The following RPS6KC1 variants were observed in gnomAD, a reference collection of about 807,000 sequenced individuals.
RPS6KC1 encodes ribosomal protein S6 kinase C1, also known as inactive ribosomal protein S6 kinase delta-1.
A neutral mutation model predicts 103.8 loss-of-function variants in RPS6KC1; 54 were observed. The ratio of observed to expected loss-of-function variants is 0.52; its 90% CI spans 0.42 to 0.65. The LOEUF is 0.65. RPS6KC1 is among the 30% of genes least tolerant of loss of function. RPS6KC1 has a pLI of 0.00. For missense variants in RPS6KC1, 1,151 were observed against 1,253.8 expected (o/e 0.92, Z 1.24); for synonymous variants, 439 against 438.7 (o/e 1.00, Z -0.01).
chr1:213,088,647 G>C lies in RPS6KC1; in HGVS notation c.262+10831G>C, dbSNP rs572999487. On this transcript the variant is annotated intron_variant, in intron 3 of 14. Coordinates refer to ENST00000366960, the MANE Select transcript of RPS6KC1 (RefSeq NM_012424.6). ...TGCTGTGCTGGTATTACAGGCATGA[G>C]CCACTGCGCCTGGCCTCATGGCTAA... Among the ~76,000 whole-genome samples the C allele has an allele frequency of 2.6e-5, 4 of 152,240 alleles. No homozygotes were observed. In the South Asian group the frequency reaches 8.3e-4, roughly 32 times the overall value.
chr1:213,292,521 C>G, the RPS6KC1 span, among the ~76,000 whole-genome samples: 1 of 152,100 alleles, frequency 6.6e-6, no homozygotes, highest in Non-Finnish European at 1.5e-5. Flanking sequence ...CTTGAGAAAC[C>G]CTTTCCTGTG....
At chr1:213,256,267 G>A (rs976729839) in intron 12 of RPS6KC1, among the ~76,000 whole-genome samples, 11 of 152,148 alleles carry the variant, frequency 7.2e-5, no homozygotes, top group East Asian at 1.9e-4. Flanking sequence ...CAGGCTGTCC[G>A]TGGAAGAGAG....
At chr1:213,536,610 A>G in the RPS6KC1 span, among the ~76,000 whole-genome samples, 7 of 152,170 alleles carry the variant, frequency 4.6e-5, no homozygotes, top group Non-Finnish European at 1.5e-5. Context: ...CTACCTTGAT[A>G]AAAGGTGAGC....
In RPS6KC1 at chr1:213,211,005, C is replaced by T. The variant is rs562559301; in HGVS notation, c.1045-19492C>T. ...ACTTATTTTAAGTGTATTTATAGAG[C>T]ACATCTAGCAGCGGACAGAAAATAT... On this transcript the variant is annotated intron_variant, in intron 8 of 14. Coordinates refer to ENST00000366960, the MANE Select transcript of RPS6KC1 (RefSeq NM_012424.6). 3.3e-5 allele frequency among the ~76,000 whole-genome samples: 5 copies of T among 152,292 alleles called. 1 individual carries two copies. The South Asian group carries it at 1.0e-3, about 32-fold the overall frequency.
the RPS6KC1 span, among the ~76,000 whole-genome samples, chr1:213,802,687 A>G: frequency 3.9e-5 from 6 of 152,248 alleles, no homozygotes; most frequent in Non-Finnish European, 1.5e-5. Context: ...TTTTCCTCAG[A>G]AGATCCTAAG....
rs1012030107 is a variant in RPS6KC1 at position 213,273,065 on chromosome 1, A to G, written c.*431A>G. On this transcript the variant is annotated 3_prime_UTR_variant, in exon 15 of 15. Transcript: ENST00000366960. ...ATTAAATTAATATTTGCTTAATAAT[A>G]CACTAAAAGTATATGAACAATGTCA... 12 of 158,638 alleles carry G rather than the reference A, an allele frequency of 7.6e-5. No homozygotes were observed. The highest frequency in any genetic ancestry group is 1.4e-4 in the Non-Finnish European group (10 of 71,210). 9.8% of individuals were successfully genotyped at this position (158,638 alleles called of 1,614,324 possible).
the RPS6KC1 span, among the ~76,000 whole-genome samples, chr1:213,410,044 A>G: frequency 6.6e-6 from 1 of 152,176 alleles, no homozygotes; most frequent in Non-Finnish European, 1.5e-5. Context: ...AGTCTTAGCT[A>G]CTTGGGAAGC....
At chr1:213,806,236 G>A in the RPS6KC1 span, among the ~76,000 whole-genome samples, 1 of 152,170 alleles carries the variant, frequency 6.6e-6, no homozygotes, top group Non-Finnish European at 1.5e-5. Context: ...GGAGGCTGAG[G>A]CAGGAGAATG....
the RPS6KC1 span, among the ~76,000 whole-genome samples, chr1:213,711,149 C>G: frequency 1.3e-5 from 2 of 152,196 alleles, no homozygotes; most frequent in Non-Finnish European, 2.9e-5. Flanking sequence ...GTTTCAGATA[C>G]AGCAATCAAA....
At chr1:213,746,428 G>A in the RPS6KC1 span, among the ~76,000 whole-genome samples, 4 of 152,200 alleles carry the variant, frequency 2.6e-5, no homozygotes, top group South Asian at 6.2e-4. Context: ...GGAGGCCAGT[G>A]TGACTAAATC....
intron 12 of RPS6KC1, among the ~76,000 whole-genome samples, chr1:213,245,344 A>G (rs9430119): frequency 0.98 from 149,155 of 152,278 alleles, 73,124 homozygotes; most frequent in East Asian, 1. Flanking sequence ...GGAACACTAA[A>G]GGTTGAAGTA....
At chr1:213,667,779 A>T in the RPS6KC1 span, among the ~76,000 whole-genome samples, 1 of 152,220 alleles carries the variant, frequency 6.6e-6, no homozygotes, top group Non-Finnish European at 1.5e-5. Context: ...TGTATTGCCT[A>T]TAATAAGTTT....
the RPS6KC1 span, among the ~76,000 whole-genome samples, chr1:213,521,229 A>G: frequency 1.3e-5 from 2 of 152,202 alleles, no homozygotes. Context: ...ACCACAATAA[A>G]GCAAGTCACA....
rs775009573 is a variant in RPS6KC1, at chr1:213,051,514, G to T, written c.105+5G>T. On this transcript the variant is annotated splice_donor_5th_base_variant and intron_variant, in intron 1 of 14. Coordinates refer to ENST00000366960, the MANE Select transcript of RPS6KC1 (RefSeq NM_012424.6). Reference sequence around the variant, plus strand: ...GTATATAAGGTCACCGCCCGGGTGAGTGCCGGTGTCGGGCTGGGGTAGAGC... The same window carrying T: ...GTATATAAGGTCACCGCCCGGGTGATTGCCGGTGTCGGGCTGGGGTAGAGC... 1 of 1,601,382 alleles carries T rather than the reference G, an allele frequency of 6.2e-7. No individual in the cohort carries two copies. The highest frequency in any genetic ancestry group is 8.5e-7 in the Non-Finnish European group (1 of 1,170,774).
chr1:213,124,596 TATATA>T (rs1016854806), intron 5 of RPS6KC1, among the ~76,000 whole-genome samples: 2 of 152,176 alleles, frequency 1.3e-5, no homozygotes, highest in African/African-American at 4.8e-5. Context: ...ATGTGTTAAG[TATATA>T]ATATAAATAA....
rs188875434 is a variant in RPS6KC1 at position 213,067,038 on chromosome 1, A to G, written c.106-3968A>G. ...ATCAGAAACTCAAAAGGATACAGCC[A>G]TTTGTCTTTTAACTACCTGTGACCT... On this transcript the variant is annotated intron_variant, in intron 1 of 14. Transcript: ENST00000366960. Among the ~76,000 whole-genome samples, 348 of 152,208 alleles carry G rather than the reference A, an allele frequency of 2.3e-3. 1 individual carries two copies. The highest frequency in any genetic ancestry group is 3.4e-3 in the Non-Finnish European group (232 of 68,010).
chr1:213,634,964 C>A, the RPS6KC1 span, among the ~76,000 whole-genome samples: 1 of 152,062 alleles, frequency 6.6e-6, no homozygotes, highest in African/African-American at 2.4e-5. Flanking sequence ...CACAGAAATA[C>A]AAACTACCAT....
At chr1:213,126,704 G>A (rs1164785403) in intron 5 of RPS6KC1, among the ~76,000 whole-genome samples, 2 of 152,114 alleles carry the variant, frequency 1.3e-5, no homozygotes, top group East Asian at 3.8e-4. Context: ...ATATGATTTT[G>A]TGGTTTTGTG....
At chr1:213,519,559 G>A in the RPS6KC1 span, among the ~76,000 whole-genome samples, 6 of 152,270 alleles carry the variant, frequency 3.9e-5, no homozygotes, top group East Asian at 1.2e-3. Context: ...AATCAGCAGT[G>A]TACATTGTAA....
Sources: allele counts gnomAD v4.1 joint callset (sites outside exome capture counted in the v4.1 genomes callset), GRCh38; gene constraint gnomAD v4.1.1; transcripts MANE v1.5; gene names NCBI Gene and HGNC (gene_info 2026-07-23, HGNC 2026-07-21).